DYNC1H1: variants seen among roughly 807,000 people sequenced by gnomAD.
DYNC1H1 encodes the protein dynein cytoplasmic 1 heavy chain 1, also known as cytoplasmic dynein 1 heavy chain 1.
DYNC1H1 carries 51 observed loss-of-function variants against 527.1 expected under a neutral mutation model. The ratio of observed to expected loss-of-function variants is 0.10; its 90% confidence interval spans 0.08 to 0.12. The LOEUF (loss-of-function observed/expected upper bound fraction) is 0.12. Ranked by LOEUF, DYNC1H1 falls within the 10% of genes least tolerant of loss-of-function variation. The pLI is 1.00. For missense variants in DYNC1H1, 2,771 were observed against 5,971.8 expected (o/e 0.46, Z 17.66); for synonymous variants, 2,189 against 2,278.8 (o/e 0.96, Z 1.12).
chr14:101,988,590 C>A, intron 9 of DYNC1H1, 113 bp from the exon 10 acceptor site: 2 of 1,376,336 alleles, frequency 1.5e-6, no homozygotes, highest in Non-Finnish European at 2.0e-6. Flanking sequence ...ATGAAGGCTT[C>A]TAGTCCGGAA....
In DYNC1H1 at chr14:102,029,413, T is replaced by G; in HGVS notation, c.9469-126T>G. On this transcript the variant is annotated intron_variant, in intron 48 of 77. Coordinates refer to ENST00000360184, the MANE Select transcript of DYNC1H1 (RefSeq NM_001376.5). This position sits in a 1 kb window ranked among gnomAD's most constrained non-coding sequence, Gnocchi z 5.3. Reference sequence around the variant, plus strand: ...TGGCTAAGCTGAGGCCCGACTCGAGTGTTCTGGCCCCGAGGGCCAGGCTCC... The same window carrying G: ...TGGCTAAGCTGAGGCCCGACTCGAGGGTTCTGGCCCCGAGGGCCAGGCTCC... 2 of 1,267,868 alleles carry G rather than the reference T, an allele frequency of 1.6e-6. No individual in the cohort carries two copies. Among genetic ancestry groups the G allele is most frequent in the South Asian group, 1.3e-5 (1 of 78,926 alleles). The allele number at this position is 1,267,868 out of a possible 1,614,324, so 78.5% of individuals were successfully genotyped here.
rs1946213066 is a variant in DYNC1H1, at chr14:102,049,232, C to T, written c.13373-208C>T. ...ATTTGACCCTAGAAACTGCACGGTT[C>T]TGAGACATGCTCTGGACCAGCCTGA... On this transcript the variant is annotated intron_variant, in intron 74 of 77. Coordinates refer to ENST00000360184, the MANE Select transcript of DYNC1H1 (RefSeq NM_001376.5). The surrounding 1 kb of genome is among the most constrained non-coding windows in gnomAD (Gnocchi z 5.5). 3 of 678,200 alleles carry T rather than the reference C, an allele frequency of 4.4e-6. No individual in the cohort carries two copies. The highest frequency in any genetic ancestry group is 7.7e-6 in the Non-Finnish European group (3 of 389,470). The allele number at this position is 678,200 out of a possible 1,614,324, so 42.0% of individuals were successfully genotyped here.
At position 102,002,034 on chromosome 14, in the gene DYNC1H1, A is replaced by T. The variant is rs1242655256; in HGVS notation, c.4542+353A>T. ...GCAGTCCTTCTGCACTGGCCTCCTA[A>T]AGTGCCGGGATTACAGGCGTGAGTC... On this transcript the variant is annotated intron_variant, in intron 21 of 77. Coordinates refer to ENST00000360184, the MANE Select transcript of DYNC1H1 (RefSeq NM_001376.5). This position sits in a 1 kb window ranked among gnomAD's most constrained non-coding sequence, Gnocchi z 4.4. 6.6e-6 allele frequency among the ~76,000 whole-genome samples: 1 copy of T among 151,588 alleles called. No individual in the cohort carries two copies. The highest frequency in any genetic ancestry group is 2.4e-5 in the African/African-American group (1 of 41,274).
At chr14:101,967,982 C>T (rs975057568) in intron 1 of DYNC1H1, among the ~76,000 whole-genome samples, 1 of 152,208 alleles carries the variant, frequency 6.6e-6, no homozygotes, top group Admixed American at 6.5e-5. Context: ...AGTTCCTGGC[C>T]TGTAGGAAAT....
chr14:102,027,112 G>A lies in DYNC1H1; in HGVS notation c.8772-62G>A, dbSNP rs766908235. 3 of 1,523,506 alleles carry A rather than the reference G, an allele frequency of 2.0e-6. No individual in the cohort carries two copies. The highest frequency in any genetic ancestry group is 2.7e-6 in the Non-Finnish European group (3 of 1,097,950). 94.4% of individuals were successfully genotyped at this position (1,523,506 alleles called of 1,614,324 possible). On this transcript the variant is annotated intron_variant, in intron 44 of 77. Coordinates refer to ENST00000360184, the MANE Select transcript of DYNC1H1 (RefSeq NM_001376.5). The surrounding 1 kb of genome is among the most constrained non-coding windows in gnomAD (Gnocchi z 7.7). ...CCAAAATACTGTAGACACTAGATAT[G>A]AGTCAAAAGGGGAATGAGGCATTAT...
intron 10 of DYNC1H1, among the ~76,000 whole-genome samples, chr14:101,990,989 C>G (rs2047991099): frequency 7.2e-6 from 1 of 139,350 alleles, no homozygotes; most frequent in African/African-American, 2.7e-5. Context: ...AGCCTGGCGA[C>G]AGAGTGAGAC....
At chr14:101,970,991 C>G (rs182642007) in intron 1 of DYNC1H1, among the ~76,000 whole-genome samples, 70 of 151,182 alleles carry the variant, frequency 4.6e-4, no homozygotes, top group African/African-American at 1.7e-3. Flanking sequence ...CCTCACCTGG[C>G]ACTTTACCAG....
rs768049247 is a variant in DYNC1H1, at chr14:102,015,357, A to G, written c.7242+25A>G. 9 of 1,591,204 alleles carry G rather than the reference A, an allele frequency of 5.7e-6. No individual in the cohort carries two copies. The highest frequency in any genetic ancestry group is 4.5e-5 in the South Asian group (4 of 88,612). ...GGTACGCCCAGGTGGGACCCCACAT[A>G]TCATGACCTGAGGGTGCTAGGATAT... On this transcript the variant is annotated intron_variant, in intron 35 of 77. Coordinates refer to ENST00000360184, the MANE Select transcript of DYNC1H1 (RefSeq NM_001376.5). The surrounding 1 kb of genome is among the most constrained non-coding windows in gnomAD (Gnocchi z 6.9).
intron 1 of DYNC1H1, among the ~76,000 whole-genome samples, chr14:101,975,380 G>T (rs1389708480): frequency 6.6e-6 from 1 of 152,218 alleles, no homozygotes; most frequent in Non-Finnish European, 1.5e-5. Flanking sequence ...TCCTGGGATG[G>T]GATGCTGAGA....
chr14:102,044,142 G>A lies in DYNC1H1; in HGVS notation c.12684+97G>A, dbSNP rs112126704. On this transcript the variant is annotated intron_variant, in intron 70 of 77. Transcript: ENST00000360184. This position sits in a 1 kb window ranked among gnomAD's most constrained non-coding sequence, Gnocchi z 7.1. Reference sequence around the variant, plus strand: ...GAGGCCAGACTCTGCGTGGAAGAGCGAGCTGACCCCTCGTGACCGCCAAAG... The same window carrying A: ...GAGGCCAGACTCTGCGTGGAAGAGCAAGCTGACCCCTCGTGACCGCCAAAG... 1.8e-5 allele frequency: 28 copies of A among 1,586,540 alleles called. No homozygotes were observed. The highest frequency in any genetic ancestry group is 1.1e-4 in the East Asian group (5 of 44,054).
chr14:101,979,133 T>G lies in DYNC1H1; in HGVS notation c.345-186T>G, dbSNP rs2047834142. On this transcript the variant is annotated intron_variant, in intron 2 of 77. Transcript: ENST00000360184. This position sits in a 1 kb window ranked among gnomAD's most constrained non-coding sequence, Gnocchi z 4.6. ...ATGAGACAAGTTAACTTTGCCTGGT[T>G]TCATGTTTGTTCACATTCTGTAACC... 6.6e-6 allele frequency among the ~76,000 whole-genome samples: 1 copy of G among 152,230 alleles called. No homozygotes were observed. Among genetic ancestry groups the G allele is most frequent in the African/African-American group, 2.4e-5 (1 of 41,460 alleles).
Position 102,050,105 on chromosome 14 carries a change from C to G in DYNC1H1, c.13719C>G (p.Asn4573Lys), listed in dbSNP as rs886050377. The G allele has an allele frequency of 6.4e-7, 1 of 1,569,284 alleles. No individual in the cohort carries two copies. The highest frequency in any genetic ancestry group is 3.5e-5 in the East Asian group (1 of 28,976). ...TTCAAGGGGCCACGTGCAACAACAA[C>G]AAGCTGTCACTGTCCAATGCCATCT... The part of the protein sequence containing the change: ...LKLQGATCNN[N>K]KLSLSNAIST... Residue 4573 changes from asparagine (N) to lysine (K), a missense_variant, in exon 77 of 78, where the codon AAC becomes AAG. Asn to Lys is a moderately conservative substitution (Grantham distance 94, BLOSUM62 0). Coordinates refer to ENST00000360184, the MANE Select transcript of DYNC1H1 (RefSeq NM_001376.5).
chr14:102,032,196 T>G, intron 51 of DYNC1H1, 76 bp from the exon 52 acceptor site: 5 of 1,582,506 alleles, frequency 3.2e-6, no homozygotes, highest in Non-Finnish European at 4.3e-6. Flanking sequence ...CTCCTGGCTG[T>G]TTTGGTTCAT....
intron 1 of DYNC1H1, among the ~76,000 whole-genome samples, chr14:101,968,866 G>A (rs573331656): frequency 4.9e-4 from 74 of 152,188 alleles, no homozygotes; most frequent in African/African-American, 1.6e-3. Flanking sequence ...CCAGCCTGAG[G>A]ATTTAATTCT....
At position 102,010,550 on chromosome 14, in the gene DYNC1H1, G is replaced by A. The variant is rs2048246567; in HGVS notation, c.6405+91G>A. On this transcript the variant is annotated intron_variant, in intron 31 of 77. Coordinates refer to ENST00000360184, the MANE Select transcript of DYNC1H1 (RefSeq NM_001376.5). This position sits in a 1 kb window ranked among gnomAD's most constrained non-coding sequence, Gnocchi z 6.0. ...AAGCCATGACTTGTGAGTTCTTCTT[G>A]CAGTTCACATGTCTTGGGATGGCTG... is the stretch of plus-strand genomic sequence containing the variant. The A allele has an allele frequency of 6.4e-7, 1 of 1,551,152 alleles. No homozygotes were observed. The highest frequency in any genetic ancestry group is 1.2e-5 in the South Asian group (1 of 85,592).
chr14:102,041,802 G>A lies in DYNC1H1; in HGVS notation c.12102+68G>A. On this transcript the variant is annotated intron_variant, in intron 65 of 77. Transcript: ENST00000360184. This position sits in a 1 kb window ranked among gnomAD's most constrained non-coding sequence, Gnocchi z 4.5. ...CCCACCTCCCCAGCCACAGGTGGCA[G>A]CAGCCCTGGCATCTGCTCTCACTCC... The A allele has an allele frequency of 3.1e-6, 5 of 1,608,744 alleles. No individual in the cohort carries two copies. Among genetic ancestry groups the A allele is most frequent in the Non-Finnish European group, 4.2e-6 (5 of 1,177,966 alleles).
intron 15 of DYNC1H1, among the ~76,000 whole-genome samples, chr14:101,996,010 G>A (rs1434223013): frequency 2.0e-5 from 3 of 152,026 alleles, no homozygotes; most frequent in Admixed American, 6.5e-5. Flanking sequence ...GTTGCAGTGA[G>A]CTGAGATTGT....
rs764738265 is a variant in DYNC1H1, at chr14:102,000,824, C to T, written c.4075-130C>T. 4.8e-5 allele frequency: 39 copies of T among 813,440 alleles called. No homozygotes were observed. The Middle Eastern group carries it at 8.9e-4, about 19-fold the overall frequency. 50.4% of individuals were successfully genotyped at this position (813,440 alleles called of 1,614,324 possible). A position where few individuals can be genotyped will look rare whatever the true frequency, so the allele number is the denominator to read the frequency against. ...CCCGACCTCAAGTGATCTGCTCGCC[C>T]GGCCTCCCAAAGTGCTGGGATTACA... On this transcript the variant is annotated intron_variant, in intron 18 of 77. Transcript: ENST00000360184.
chr14:102,032,489 G>C, intron 52 of DYNC1H1, 22 bp downstream of exon 52: 1 of 1,613,926 alleles, frequency 6.2e-7, no homozygotes, highest in Non-Finnish European at 8.5e-7. Flanking sequence ...GAAGTGCCAA[G>C]GTATTGCCAG....
Sources: allele counts gnomAD v4.1 joint callset (sites outside exome capture counted in the v4.1 genomes callset), GRCh38; gene constraint gnomAD v4.1.1; non-coding constraint Gnocchi (gnomAD v3.1); transcripts MANE v1.5; gene names NCBI Gene and HGNC (gene_info 2026-07-23, HGNC 2026-07-21).